RAP1GDS1: variants seen among roughly 807,000 people sequenced by gnomAD.
RAP1GDS1 encodes RAP1, GTP-GDP dissociation stimulator 1.
Under a neutral mutation model 71.1 loss-of-function variants are expected in RAP1GDS1, and 35 were observed. The ratio of observed to expected loss-of-function variants is 0.49; its 90% confidence interval spans 0.38 to 0.65. The LOEUF (loss-of-function observed/expected upper bound fraction) is 0.65. Ranked by LOEUF, RAP1GDS1 falls within the 30% of genes least tolerant of loss-of-function variation. The pLI, the probability that RAP1GDS1 is intolerant of heterozygous loss-of-function variation, is 0.00. For missense variants in RAP1GDS1, 663 were observed against 706.1 expected, an observed-to-expected ratio of 0.94 and a Z score of 0.69; for synonymous variants, 229 against 243.1, an observed-to-expected ratio of 0.94 and a Z score of 0.54.
intron 2 of RAP1GDS1, among the ~76,000 whole-genome samples, chr4:98,308,120 G>A (rs1478177102): frequency 6.6e-6 from 1 of 151,308 alleles, no homozygotes; most frequent in Admixed American, 6.6e-5. Flanking sequence ...AATAAAGACA[G>A]CATCTCTATC....
intron 14 of RAP1GDS1, among the ~76,000 whole-genome samples, chr4:98,438,334 CT>C (rs1751422788): frequency 6.6e-6 from 1 of 151,642 alleles, no homozygotes; most frequent in Non-Finnish European, 1.5e-5. Context: ...TTTTCTCACT[CT>C]TTTAGTTTCA....
At chr4:98,367,560 C>G (rs1233245767) in intron 4 of RAP1GDS1, among the ~76,000 whole-genome samples, 1 of 152,232 alleles carries the variant, frequency 6.6e-6, no homozygotes, top group Non-Finnish European at 1.5e-5. Context: ...TGCAGACACT[C>G]AACACCAGCC....
chr4:98,436,344 C>T (rs950951093), intron 13 of RAP1GDS1, among the ~76,000 whole-genome samples: 2 of 152,014 alleles, frequency 1.3e-5, no homozygotes, highest in Non-Finnish European at 2.9e-5. Context: ...ATAGAGTAAG[C>T]CTTAATACTG....
At chr4:98,278,306 A>ATTTT (rs1419529374) in intron 1 of RAP1GDS1, among the ~76,000 whole-genome samples, 1 of 152,106 alleles carries the variant, frequency 6.6e-6, no homozygotes, top group African/African-American at 2.4e-5. Context: ...ATTACTTCTT[A>ATTTT]TTATCTTATA....
At chr4:98,432,667 T>C (rs1750596810) in intron 12 of RAP1GDS1, among the ~76,000 whole-genome samples, 2 of 152,204 alleles carry the variant, frequency 1.3e-5, no homozygotes, top group Admixed American at 6.5e-5. Flanking sequence ...CCTTTAAAAA[T>C]ATTTTAGCAA....
chr4:98,442,330 A>T lies in RAP1GDS1; in HGVS notation c.*213A>T. 1.9e-6 allele frequency: 1 copy of T among 535,150 alleles called. No individual in the cohort carries two copies. The highest frequency in any genetic ancestry group is 3.1e-6 in the Non-Finnish European group (1 of 325,838). 33.2% of individuals were successfully genotyped at this position (535,150 alleles called of 1,614,324 possible). ...TTGTCAAAGGCAAGTCTCCACCCAT[A>T]ACCGTTCTCTTGTATTCCTGTTGCT... On this transcript the variant is annotated 3_prime_UTR_variant, in exon 15 of 15. Transcript: ENST00000408927.
At chr4:98,318,495 C>T (rs1731280365) in intron 2 of RAP1GDS1, among the ~76,000 whole-genome samples, 1 of 152,204 alleles carries the variant, frequency 6.6e-6, no homozygotes, top group Non-Finnish European at 1.5e-5. Context: ...CTCCCCATCT[C>T]AAAATACTTT....
rs543615672 is a variant in RAP1GDS1 at position 98,442,248 on chromosome 4, C to T, written c.*131C>T. 1,104 of 1,256,256 alleles carry T rather than the reference C, an allele frequency of 8.8e-4. 3 individuals carry two copies. Among genetic ancestry groups the T allele is most frequent in the Middle Eastern group, 5.5e-3 (20 of 3,632 alleles). The allele number at this position is 1,256,256 out of a possible 1,614,324, so 77.8% of individuals were successfully genotyped here. ...GATGTTCTAATACCAATTGAAGAAC[C>T]GCTGTAGGTACCTCCCTAATAAGAT... On this transcript the variant is annotated 3_prime_UTR_variant, in exon 15 of 15. Coordinates refer to ENST00000408927, the MANE Select transcript of RAP1GDS1 (RefSeq NM_001100427.2).
chr4:98,372,262 A>G (rs936387891), intron 4 of RAP1GDS1, among the ~76,000 whole-genome samples: 1 of 152,110 alleles, frequency 6.6e-6, no homozygotes, highest in Non-Finnish European at 1.5e-5. Flanking sequence ...TCCTAGGTTC[A>G]AGCAATTCTT....
At chr4:98,437,167 G>A (rs772384574) in intron 14 of RAP1GDS1, 99 bp downstream of exon 14, 413 of 1,237,500 alleles carry the variant, frequency 3.3e-4, no homozygotes, top group Non-Finnish European at 4.1e-4. Flanking sequence ...TTTTAAAGCC[G>A]TTAGAAATTA....
chr4:98,441,794 A>T, intron 14 of RAP1GDS1, 196 bp from the exon 15 acceptor site: 1 of 570,626 alleles, frequency 1.8e-6, no homozygotes, highest in Non-Finnish European at 2.2e-6. Context: ...ATTTAAAAAA[A>T]AGTAAAGTTT....
Position 98,420,362 on chromosome 4 carries a change from A to G in RAP1GDS1, c.1300+218A>G, listed in dbSNP as rs529241518. ...TATTTATTTATTTATTTATTTATTT[A>G]TTTGTTTATTTATTTATTTTTGAGA... On this transcript the variant is annotated intron_variant, in intron 11 of 14. Transcript: ENST00000408927. 9.0e-3 allele frequency among the ~76,000 whole-genome samples: 1,325 copies of G among 146,664 alleles called. 7 individuals are homozygous for G. The highest frequency in any genetic ancestry group is 0.025 in the East Asian group (128 of 5,130).
intron 1 of RAP1GDS1, among the ~76,000 whole-genome samples, chr4:98,293,069 A>T (rs1285796537): frequency 6.6e-6 from 1 of 152,296 alleles, no homozygotes; most frequent in South Asian, 2.1e-4. Flanking sequence ...AAAACTATAT[A>T]ATTTTTTATG....
At chr4:98,351,480 C>T (rs1737178757) in intron 3 of RAP1GDS1, among the ~76,000 whole-genome samples, 1 of 151,960 alleles carries the variant, frequency 6.6e-6, no homozygotes, top group African/African-American at 2.4e-5. Flanking sequence ...GTGGAACAAA[C>T]CAAGGGGTAG....
intron 1 of RAP1GDS1, among the ~76,000 whole-genome samples, chr4:98,279,940 ATCC>A (rs1223670685): frequency 2.0e-5 from 3 of 152,160 alleles, no homozygotes; most frequent in Admixed American, 2.0e-4. Context: ...GCATGAACTC[ATCC>A]TCTTTTATGG....
At chr4:98,403,125 A>G (rs958048706) in intron 6 of RAP1GDS1, among the ~76,000 whole-genome samples, 1 of 152,160 alleles carries the variant, frequency 6.6e-6, no homozygotes, top group Non-Finnish European at 1.5e-5. Flanking sequence ...TGCCATCAAA[A>G]CAAAACAAAT....
At chr4:98,282,273 G>T (rs1725229165) in intron 1 of RAP1GDS1, among the ~76,000 whole-genome samples, 1 of 152,092 alleles carries the variant, frequency 6.6e-6, no homozygotes, top group Non-Finnish European at 1.5e-5. Flanking sequence ...ATTAATTATT[G>T]CCTCAATTTC....
At chr4:98,413,395 A>G (rs1246018023) in intron 7 of RAP1GDS1, among the ~76,000 whole-genome samples, 1 of 123,670 alleles carries the variant, frequency 8.1e-6, no homozygotes, top group Admixed American at 9.0e-5. Context: ...CACAGTCCCC[A>G]GAGTGTGATA....
In RAP1GDS1 at chr4:98,442,414, T is replaced by C. The variant is rs1160431879; in HGVS notation, c.*297T>C. On this transcript the variant is annotated 3_prime_UTR_variant, in exon 15 of 15. Coordinates refer to ENST00000408927, the MANE Select transcript of RAP1GDS1 (RefSeq NM_001100427.2). Reference sequence around the variant, plus strand: ...TCCTATGATGATGTAAACTTGGTACTACATAATGACTTGCTCCACACATGC... The same window carrying C: ...TCCTATGATGATGTAAACTTGGTACCACATAATGACTTGCTCCACACATGC... The C allele has an allele frequency of 2.5e-5, 7 of 279,928 alleles. No homozygotes were observed. Among genetic ancestry groups the C allele is most frequent in the Non-Finnish European group, 4.7e-5 (7 of 147,996 alleles). 17.3% of individuals were successfully genotyped at this position (279,928 alleles called of 1,614,324 possible). A position where few individuals can be genotyped will look rare whatever the true frequency, so the allele number is the denominator to read the frequency against.
Sources: allele counts gnomAD v4.1 joint callset (sites outside exome capture counted in the v4.1 genomes callset), GRCh38; gene constraint gnomAD v4.1.1; transcripts MANE v1.5; gene names NCBI Gene and HGNC (gene_info 2026-07-23, HGNC 2026-07-21).